The following PTPRN2 variants were observed in gnomAD, a reference collection of about 807,000 sequenced individuals.
PTPRN2 encodes receptor-type tyrosine-protein phosphatase N2.
Under a neutral mutation model 118.8 loss-of-function variants are expected in PTPRN2, and 74 were observed. The observed-to-expected ratio is 0.62, with a 90% confidence interval of 0.52 to 0.76. PTPRN2 has a LOEUF of 0.76. Ranked by LOEUF, PTPRN2 falls within the 30% of genes least tolerant of loss-of-function variation. PTPRN2 has a pLI of 0.00. For synonymous variants in PTPRN2, 641 were observed against 608.0 expected, an observed-to-expected ratio of 1.05 and a Z score of -0.80; for missense variants, 1,481 against 1,394.4, an observed-to-expected ratio of 1.06 and a Z score of -0.99.
At chr7:157,612,162 C>T (rs796602987) in intron 15 of PTPRN2, among the ~76,000 whole-genome samples, 2 of 152,350 alleles carry the variant, frequency 1.3e-5, no homozygotes, top group South Asian at 2.1e-4. Flanking sequence ...GAGAAAGCGC[C>T]GCCTGGAGCC....
At chr7:157,555,573 G>A (rs1406546851) in intron 21 of PTPRN2, among the ~76,000 whole-genome samples, 2 of 152,216 alleles carry the variant, frequency 1.3e-5, no homozygotes, top group Non-Finnish European at 2.9e-5. Flanking sequence ...TCTCCTGACC[G>A]TCATTCTTCC....
At chr7:158,571,431 T>C (rs1038483681) in intron 1 of PTPRN2, among the ~76,000 whole-genome samples, 1 of 150,812 alleles carries the variant, frequency 6.6e-6, no homozygotes, top group Non-Finnish European at 1.5e-5. Flanking sequence ...TGAGCTGAGA[T>C]TGCACCACTG....
At chr7:157,613,413 C>A (rs955661936) in intron 15 of PTPRN2, among the ~76,000 whole-genome samples, 18 of 152,342 alleles carry the variant, frequency 1.2e-4, no homozygotes, top group African/African-American at 3.6e-4. Context: ...GCGGGCCCCA[C>A]GTCGCGCAGC....
chr7:158,180,966 C>T (rs765246649), intron 5 of PTPRN2, among the ~76,000 whole-genome samples: 5 of 152,146 alleles, frequency 3.3e-5, no homozygotes, highest in Non-Finnish European at 5.9e-5. Flanking sequence ...GCTAGGACTT[C>T]CAGTACTATG....
chr7:157,782,091 G>T (rs1256211635), intron 12 of PTPRN2, among the ~76,000 whole-genome samples: 3 of 152,246 alleles, frequency 2.0e-5, no homozygotes, highest in African/African-American at 7.2e-5. Flanking sequence ...GACCTGGGCT[G>T]GCTTTGCCAA....
In PTPRN2 at chr7:158,159,489, C is replaced by A. The variant is rs535766656; in HGVS notation, c.910+7442G>T. On this transcript the variant is annotated intron_variant, in intron 6 of 22. Coordinates refer to ENST00000389418, the MANE Select transcript of PTPRN2 (RefSeq NM_002847.5). ...GTGAAATTCAGAACCAAAAGTCAGT[C>A]GTCATGATGTGAATTAGGGACTTGT... Among the ~76,000 whole-genome samples the A allele has an allele frequency of 4.0e-4, 61 of 152,298 alleles. No homozygotes were observed. The South Asian group carries it at 8.7e-3, about 22-fold the overall frequency.
In PTPRN2 at chr7:158,570,673, A is replaced by G. The variant is rs547163696; in HGVS notation, c.112+16885T>C. Reference sequence around the variant, plus strand: ...GGCGTGTCTCCGCCGTAACACGTGTATACCGGCTCAGCACGCGGCTGGGTA... The same window carrying G: ...GGCGTGTCTCCGCCGTAACACGTGTGTACCGGCTCAGCACGCGGCTGGGTA... On this transcript the variant is annotated intron_variant, in intron 1 of 22. Coordinates refer to ENST00000389418, the MANE Select transcript of PTPRN2 (RefSeq NM_002847.5). The surrounding 1 kb of genome is among the most constrained non-coding windows in gnomAD (Gnocchi z 4.5). Among the ~76,000 whole-genome samples, 24 of 152,314 alleles carry G rather than the reference A, an allele frequency of 1.6e-4. No homozygotes were observed. The highest frequency in any genetic ancestry group is 8.5e-4 in the Admixed American group (13 of 15,308).
chr7:157,927,211 G>A (rs112960587), intron 11 of PTPRN2, among the ~76,000 whole-genome samples: 4,532 of 78,236 alleles, frequency 0.058, 1,869 homozygotes, highest in Non-Finnish European at 0.082. Flanking sequence ...CCAAAGACAG[G>A]AAGCCCCAGG....
chr7:158,435,617 G>A (rs191724946), intron 2 of PTPRN2, among the ~76,000 whole-genome samples: 183 of 152,304 alleles, frequency 1.2e-3, no homozygotes, highest in African/African-American at 4.1e-3. Flanking sequence ...AGAGATACTT[G>A]CATTCCCACA....
chr7:158,040,383 A>G lies in PTPRN2; in HGVS notation c.1723+40915T>C, dbSNP rs114846733. Among the ~76,000 whole-genome samples the G allele has an allele frequency of 5.1e-3, 760 of 147,806 alleles. 12 individuals carry two copies. The highest frequency in any genetic ancestry group is 0.018 in the African/African-American group (727 of 39,686). On this transcript the variant is annotated intron_variant, in intron 11 of 22. Coordinates refer to ENST00000389418, the MANE Select transcript of PTPRN2 (RefSeq NM_002847.5). ...CACATGCACACACACACGTGCATACACATGTGCACACACTTCACACACACA... is the reference window on the plus strand; with the variant it reads ...CACATGCACACACACACGTGCATACGCATGTGCACACACTTCACACACACA...
In PTPRN2 at chr7:157,621,385, T is replaced by G. The variant is rs1803229957; in HGVS notation, c.2321A>C (p.Asn774Thr). 6.5e-7 allele frequency: 1 copy of G among 1,547,002 alleles called. No individual in the cohort carries two copies. The highest frequency in any genetic ancestry group is 8.8e-7 in the Non-Finnish European group (1 of 1,139,978). ...VAQREENVPK[N>T]RSLAVLTYDH... ...ACAGGTCAGCACGGCCAGGGAGCGG[T>G]TCTTGGGCACGTTCTCCTCCCTCTG... is the stretch of plus-strand genomic sequence containing the variant. The change falls in exon 15 of 23, where the codon AAC becomes ACC. Residue 774 changes from asparagine to threonine, a missense_variant. Transcript: ENST00000389418.
At chr7:158,068,368 G>A (rs1453157772) in intron 11 of PTPRN2, among the ~76,000 whole-genome samples, 4 of 152,202 alleles carry the variant, frequency 2.6e-5, no homozygotes, top group East Asian at 1.9e-4. Flanking sequence ...CAGCTCCCAC[G>A]CCAGGACCAT....
chr7:157,685,041 G>T (rs1305067003), intron 12 of PTPRN2, among the ~76,000 whole-genome samples: 1 of 151,952 alleles, frequency 6.6e-6, no homozygotes, highest in East Asian at 1.9e-4. Flanking sequence ...GGGCGGGAGG[G>T]CTTTTCCCGG....
At chr7:158,058,061 A>G (rs985157354) in intron 11 of PTPRN2, among the ~76,000 whole-genome samples, 3 of 152,272 alleles carry the variant, frequency 2.0e-5, no homozygotes, top group Admixed American at 6.5e-5. Flanking sequence ...GTAAATCTGC[A>G]TAAAGAAGAG....
intron 12 of PTPRN2, among the ~76,000 whole-genome samples, chr7:157,825,318 C>G (rs538172167): frequency 6.6e-6 from 1 of 152,234 alleles, no homozygotes; most frequent in South Asian, 2.1e-4. Flanking sequence ...CATCTGGGAT[C>G]ATGAGGAGCA....
At chr7:158,179,187 T>G (rs1441402333) in intron 5 of PTPRN2, among the ~76,000 whole-genome samples, 1 of 152,256 alleles carries the variant, frequency 6.6e-6, no homozygotes, top group Non-Finnish European at 1.5e-5. Flanking sequence ...GACTTTTTAA[T>G]AATAGTCATT....
intron 2 of PTPRN2, among the ~76,000 whole-genome samples, chr7:158,458,339 G>A (rs1818687107): frequency 6.6e-6 from 1 of 152,162 alleles, no homozygotes; most frequent in Non-Finnish European, 1.5e-5. Flanking sequence ...GACACAGGCT[G>A]AGAAGCTCGG....
chr7:157,966,103 T>C (rs958653491), intron 11 of PTPRN2, among the ~76,000 whole-genome samples: 2 of 151,950 alleles, frequency 1.3e-5, no homozygotes, highest in Admixed American at 6.6e-5. Context: ...CTCAGCCACA[T>C]TGAACTTCTT....
intron 11 of PTPRN2, among the ~76,000 whole-genome samples, chr7:158,070,289 CGTGGTGGTGGAGGTGCTCCTG>C (rs1563386045): frequency 7.0e-6 from 1 of 142,356 alleles, no homozygotes; most frequent in East Asian, 2.0e-4. Context: ...TGGAGGTGCT[CGTGGTGGTGGAGGTGCTCCTG>C]GTGGTGGAGG....
Sources: gnomAD v4.1 joint callset for allele counts (sites outside exome capture counted in the v4.1 genomes callset) on GRCh38, gnomAD v4.1.1 for gene constraint, Gnocchi (gnomAD v3.1) non-coding constraint, MANE v1.5 for transcripts, NCBI Gene and HGNC (gene_info 2026-07-23, HGNC 2026-07-21) for gene names.